ANK3: variants seen among roughly 807,000 people sequenced by gnomAD.
The protein encoded by ANK3 is ankyrin-3.
In ANK3, 57 loss-of-function variants were observed where a neutral mutation model predicts 370.9. That is an observed-to-expected ratio of 0.15 (90% CI 0.12 to 0.19). The LOEUF is 0.19. ANK3 is among the 10% of genes least tolerant of loss of function. ANK3 has a pLI of 1.00. For missense variants in ANK3, 4,439 were observed against 5,302.1 expected, an observed-to-expected ratio of 0.84 and a Z score of 5.06; for synonymous variants, 1,929 against 1,946.3, an observed-to-expected ratio of 0.99 and a Z score of 0.23.
intron 11 of ANK3, among the ~76,000 whole-genome samples, chr10:60,204,306 C>T (rs1157838213): frequency 6.6e-6 from 1 of 152,136 alleles, no homozygotes; most frequent in Non-Finnish European, 1.5e-5. Flanking sequence ...GAACAGAGAG[C>T]TGGATTACTG....
rs1215903315 is a variant in ANK3 at position 60,076,027 on chromosome 10, A to G, written c.4854T>C (p.Ser1618=). Reference sequence around the variant, plus strand: ...CTGGAGAGGTTCGAGAGGAAAACGTAGAATTGGATGCCAGCCCTTTTAAGG... The same window carrying G: ...CTGGAGAGGTTCGAGAGGAAAACGTGGAATTGGATGCCAGCCCTTTTAAGG... ...ATPLKGLASN[S]TFSSRTSPVT... The change falls in exon 37 of 44, where the codon TCT becomes TCC. Residue 1618 remains serine (S), a synonymous_variant. Coordinates refer to ENST00000280772, the MANE Select transcript of ANK3 (RefSeq NM_020987.5). 1 of 1,614,094 alleles carries G rather than the reference A, an allele frequency of 6.2e-7. No homozygotes were observed. Among genetic ancestry groups the G allele is most frequent in the Non-Finnish European group, 8.5e-7 (1 of 1,180,020 alleles).
At chr10:60,662,536 A>T (rs192840409) in intron 1 of ANK3, among the ~76,000 whole-genome samples, 8 of 152,186 alleles carry the variant, frequency 5.3e-5, no homozygotes, top group African/African-American at 1.7e-4. Flanking sequence ...ATGTGTATAT[A>T]TTTCTAAACA....
chr10:60,446,420 G>A (rs1048504265), intron 2 of ANK3, among the ~76,000 whole-genome samples: 5 of 152,110 alleles, frequency 3.3e-5, no homozygotes, highest in African/African-American at 9.7e-5. Context: ...TATTGCTAGT[G>A]AGCCCCCCCT....
chr10:60,468,019 T>C (rs1040444915), intron 2 of ANK3, among the ~76,000 whole-genome samples: 2 of 150,856 alleles, frequency 1.3e-5, no homozygotes, highest in Non-Finnish European at 3.0e-5. Context: ...AGTTTTGCTC[T>C]TGTTGCCCAG....
At chr10:60,310,047 T>G (rs1176324761) in intron 1 of ANK3, among the ~76,000 whole-genome samples, 1 of 151,926 alleles carries the variant, frequency 6.6e-6, no homozygotes, top group Non-Finnish European at 1.5e-5. Flanking sequence ...TGCTTCAGCT[T>G]CCCAAATGGC....
At position 60,075,067 on chromosome 10, in the gene ANK3, T is replaced by A; in HGVS notation, c.5814A>T (p.Arg1938Ser). Residue 1938 changes from arginine to serine, a missense_variant, in exon 37 of 44, where the codon AGA (arginine) becomes AGT (serine). By Grantham distance (110) the Arg-to-Ser change is moderately radical. This residue lies in a region of ANK3 where 679 missense variants were observed against 791.0 expected (regional missense o/e 0.86). Transcript: ENST00000280772. ...TTTTGAAAGGTTCTTCATCATCTAT[T>A]CTCCCTTCCTTTGGGAGTTCAGGTT... is the stretch of plus-strand genomic sequence containing the variant. ...PFQPELPKEG[R>S]IDDEEPFKIV... 1 of 1,614,058 alleles carries A rather than the reference T, an allele frequency of 6.2e-7. No individual in the cohort carries two copies. The highest frequency in any genetic ancestry group is 8.5e-7 in the Non-Finnish European group (1 of 1,180,012).
chr10:60,235,713 G>A (rs1396019160), intron 7 of ANK3, among the ~76,000 whole-genome samples: 3 of 151,932 alleles, frequency 2.0e-5, no homozygotes, highest in Non-Finnish European at 4.4e-5. Flanking sequence ...TTATTCTTGT[G>A]TAGCAGCAAT....
chr10:60,239,110 A>G (rs1347749116), intron 7 of ANK3, among the ~76,000 whole-genome samples: 1 of 152,194 alleles, frequency 6.6e-6, no homozygotes, highest in African/African-American at 2.4e-5. Flanking sequence ...ATTAAGGAGA[A>G]AAAAGAGTGG....
At chr10:60,218,903 T>A (rs1027243400) in intron 8 of ANK3, among the ~76,000 whole-genome samples, 30 of 152,112 alleles carry the variant, frequency 2.0e-4, no homozygotes, top group African/African-American at 7.2e-4. Context: ...ATTCTCCCCA[T>A]CTCCTTCTCA....
At chr10:60,162,324 A>T (rs2095519814) in intron 23 of ANK3, among the ~76,000 whole-genome samples, 1 of 152,156 alleles carries the variant, frequency 6.6e-6, no homozygotes, top group South Asian at 2.1e-4. Flanking sequence ...GAATGAAATG[A>T]TCTAAAACTA....
rs114795672 is a variant in ANK3 at position 60,488,181 on chromosome 10, C to A, written c.96+127005G>T. ...AGTGTTTAATTAAATGAGATAGATGCCATTTGGATTTTCTTTGCATGTCAG... is the reference window on the plus strand; with the variant it reads ...AGTGTTTAATTAAATGAGATAGATGACATTTGGATTTTCTTTGCATGTCAG... On this transcript the variant is annotated intron_variant, in intron 2 of 43. Coordinates refer to the ANK3 transcript ENST00000373827. Among the ~76,000 whole-genome samples the A allele has an allele frequency of 3.9e-5, 6 of 152,132 alleles. No homozygotes were observed. The South Asian group carries it at 1.2e-3, about 32-fold the overall frequency.
At chr10:60,449,091 A>G (rs1398140368) in intron 2 of ANK3, among the ~76,000 whole-genome samples, 1 of 152,200 alleles carries the variant, frequency 6.6e-6, no homozygotes, top group Non-Finnish European at 1.5e-5. Context: ...CTATGCTAAA[A>G]TAAGCATGGG....
intron 2 of ANK3, among the ~76,000 whole-genome samples, chr10:60,425,273 T>C (rs948603932): frequency 6.6e-6 from 1 of 152,068 alleles, no homozygotes; most frequent in African/African-American, 2.4e-5. Context: ...CCAATAATTT[T>C]GGCAGCACTG....
intron 1 of ANK3, among the ~76,000 whole-genome samples, chr10:60,340,302 T>G (rs2053957835): frequency 6.6e-6 from 1 of 152,214 alleles, no homozygotes; most frequent in Non-Finnish European, 1.5e-5. Flanking sequence ...GGCGTGATTA[T>G]AGCTCATTGC....
intron 35 of ANK3, chr10:60,081,427 T>C: frequency 2.6e-6 from 1 of 381,984 alleles, no homozygotes; most frequent in Non-Finnish European, 5.1e-6. Flanking sequence ...TAAGGCTACT[T>C]GATTCTATTT....
intron 2 of ANK3, among the ~76,000 whole-genome samples, chr10:60,615,030 CTAGT>C (rs893286948): frequency 3.3e-5 from 5 of 152,098 alleles, no homozygotes; most frequent in African/African-American, 1.2e-4. Flanking sequence ...AAATTGTTCT[CTAGT>C]TAAATAAAAA....
chr10:60,300,725 C>T (rs994600107), intron 1 of ANK3, among the ~76,000 whole-genome samples: 3 of 152,082 alleles, frequency 2.0e-5, no homozygotes, highest in Admixed American at 6.5e-5. Flanking sequence ...TTTTGTCATT[C>T]TGCTTATCAG....
chr10:60,113,553 T>C (rs1172303956), intron 26 of ANK3, among the ~76,000 whole-genome samples: 1 of 151,886 alleles, frequency 6.6e-6, no homozygotes, highest in Non-Finnish European at 1.5e-5. Flanking sequence ...TATGAAAAAA[T>C]ACAAAAATTA....
At chr10:60,078,363 A>T (rs960369675) in intron 36 of ANK3, among the ~76,000 whole-genome samples, 1 of 152,194 alleles carries the variant, frequency 6.6e-6, no homozygotes, top group Non-Finnish European at 1.5e-5. Flanking sequence ...CATAATTCTC[A>T]ATATTATATT....
Sources: allele counts gnomAD v4.1 joint callset (sites outside exome capture counted in the v4.1 genomes callset), GRCh38; gene constraint gnomAD v4.1.1; regional missense constraint gnomAD v4.1.1; transcripts MANE v1.5; gene names NCBI Gene and HGNC (gene_info 2026-07-23, HGNC 2026-07-21).